The following MBOAT1 variants were observed in gnomAD, a reference collection of about 807,000 sequenced individuals.
MBOAT1 encodes the protein membrane bound glycerophospholipid O-acyltransferase 1, also known as membrane-bound glycerophospholipid O-acyltransferase 1.
MBOAT1 carries 67 observed loss-of-function variants against 64.4 expected under a neutral mutation model. That is an observed-to-expected ratio of 1.04 (90% CI 0.85 to 1.27). The LOEUF (loss-of-function observed/expected upper bound fraction) is 1.27. Ranked by LOEUF, MBOAT1 falls within the 50% of genes most tolerant of loss-of-function variation. The pLI, the probability that MBOAT1 is intolerant of heterozygous loss-of-function variation, is 0.00. For synonymous variants in MBOAT1, 229 were observed against 218.9 expected, an observed-to-expected ratio of 1.05 and a Z score of -0.41; for missense variants, 563 against 604.6, an observed-to-expected ratio of 0.93 and a Z score of 0.72.
At chr6:20,103,668 G>A (rs1165074223) in intron 12 of MBOAT1, among the ~76,000 whole-genome samples, 1 of 152,096 alleles carries the variant, frequency 6.6e-6, no homozygotes, top group Non-Finnish European at 1.5e-5. Context: ...CTCAGGTGAT[G>A]CACCCACCTC....
chr6:20,151,382 A>G (rs1299456073), intron 2 of MBOAT1, 120 bp from the exon 3 acceptor site: 2 of 643,980 alleles, frequency 3.1e-6, no homozygotes, highest in East Asian at 2.7e-5. Flanking sequence ...ATCAATGATC[A>G]GTAACTCATG....
intron 1 of MBOAT1, among the ~76,000 whole-genome samples, chr6:20,171,902 G>A (rs1317244028): frequency 2.0e-5 from 3 of 151,760 alleles, no homozygotes; most frequent in Non-Finnish European, 4.4e-5. Flanking sequence ...GATGTGGTGC[G>A]CTCACCTGTA....
intron 1 of MBOAT1, among the ~76,000 whole-genome samples, chr6:20,155,843 C>G (rs1375583510): frequency 6.6e-6 from 1 of 152,190 alleles, no homozygotes; most frequent in Admixed American, 6.5e-5. Context: ...TTTAACTCAT[C>G]AAATATTTTC....
rs370766640 is a variant in MBOAT1 at position 20,206,636 on chromosome 6, T to C, written c.99+5500A>G. On this transcript the variant is annotated intron_variant, in intron 1 of 12. Coordinates refer to ENST00000324607, the MANE Select transcript of MBOAT1 (RefSeq NM_001080480.3). ...ACCCCCTCTGCTCCCTCTTCCTGCT[T>C]TCAGAATCTGCCCACCTCTGGTGAC... Among the ~76,000 whole-genome samples, 9 of 152,258 alleles carry C rather than the reference T, an allele frequency of 5.9e-5. No homozygotes were observed. The East Asian group carries it at 1.5e-3, about 26-fold the overall frequency.
intron 9 of MBOAT1, among the ~76,000 whole-genome samples, chr6:20,117,106 C>T (rs1256153404): frequency 2.6e-5 from 4 of 152,156 alleles, no homozygotes; most frequent in Non-Finnish European, 5.9e-5. Context: ...CCATCGTGAC[C>T]GGGGACTGCT....
intron 1 of MBOAT1, among the ~76,000 whole-genome samples, chr6:20,157,595 A>G (rs1254380925): frequency 6.6e-6 from 1 of 152,150 alleles, no homozygotes; most frequent in East Asian, 1.9e-4. Flanking sequence ...GTGATACTCT[A>G]AGGAACTCAT....
At chr6:20,193,132 A>G (rs1344342567) in intron 1 of MBOAT1, among the ~76,000 whole-genome samples, 3 of 148,876 alleles carry the variant, frequency 2.0e-5, no homozygotes, top group African/African-American at 5.0e-5. Flanking sequence ...CAGCCTCCAG[A>G]GTAGCTGGGA....
chr6:20,194,290 T>C (rs1245231253), intron 1 of MBOAT1, among the ~76,000 whole-genome samples: 1 of 152,240 alleles, frequency 6.6e-6, no homozygotes, highest in Admixed American at 6.5e-5. Flanking sequence ...AATGCACCGA[T>C]GGTGATATAT....
intron 1 of MBOAT1, among the ~76,000 whole-genome samples, chr6:20,195,931 G>T (rs1762943132): frequency 6.6e-6 from 1 of 152,042 alleles, no homozygotes; most frequent in African/African-American, 2.4e-5. Context: ...GTGGAAGGAA[G>T]AAAGGAAGGT....
At chr6:20,150,091 T>C (rs1303728329) in intron 3 of MBOAT1, among the ~76,000 whole-genome samples, 1 of 152,156 alleles carries the variant, frequency 6.6e-6, no homozygotes, top group Non-Finnish European at 1.5e-5. Flanking sequence ...GAGCTAATCC[T>C]GAGTTTTCAG....
intron 1 of MBOAT1, among the ~76,000 whole-genome samples, chr6:20,155,092 C>A (rs1205465516): frequency 6.6e-6 from 1 of 152,156 alleles, no homozygotes; most frequent in African/African-American, 2.4e-5. Context: ...TTGATTTGGC[C>A]AGAATTATTG....
chr6:20,180,683 G>C (rs902493797), intron 1 of MBOAT1, among the ~76,000 whole-genome samples: 3 of 152,232 alleles, frequency 2.0e-5, no homozygotes, highest in East Asian at 1.9e-4. Context: ...GAGAATTGCT[G>C]GACTTTAAAT....
chr6:20,110,834 C>T (rs1349528241), intron 11 of MBOAT1, among the ~76,000 whole-genome samples: 3 of 152,082 alleles, frequency 2.0e-5, no homozygotes, highest in Admixed American at 6.5e-5. Flanking sequence ...CTTGTCTGCC[C>T]ATCCCATTTT....
intron 1 of MBOAT1, among the ~76,000 whole-genome samples, chr6:20,209,992 G>A (rs1328196668): frequency 1.3e-5 from 2 of 152,162 alleles, no homozygotes; most frequent in Non-Finnish European, 2.9e-5. Context: ...TCTGATCTCA[G>A]CATCTCAACA....
At chr6:20,118,396 T>C (rs773748502) in intron 9 of MBOAT1, 41 bp downstream of exon 9, 1 of 1,493,672 alleles carries the variant, frequency 6.7e-7, no homozygotes, top group Non-Finnish European at 9.3e-7. Context: ...AATCATTTGC[T>C]TTCTTCACTA....
chr6:20,207,223 G>A (rs551396196), intron 1 of MBOAT1, among the ~76,000 whole-genome samples: 7 of 152,188 alleles, frequency 4.6e-5, no homozygotes, highest in East Asian at 1.9e-4. Context: ...GCACTCATCC[G>A]CAAAACCCTT....
chr6:20,208,148 T>G (rs1365244473), intron 1 of MBOAT1, among the ~76,000 whole-genome samples: 5 of 152,068 alleles, frequency 3.3e-5, no homozygotes, highest in Admixed American at 3.3e-4. Context: ...TCCAGGTAGG[T>G]AAAGAAACTT....
At chr6:20,164,985 A>C (rs2113715004) in intron 1 of MBOAT1, among the ~76,000 whole-genome samples, 1 of 152,328 alleles carries the variant, frequency 6.6e-6, no homozygotes, top group South Asian at 2.1e-4. Flanking sequence ...TTCTGAGCAT[A>C]TTTAAGATAG....
chr6:20,200,603 G>A (rs911942932), intron 1 of MBOAT1, among the ~76,000 whole-genome samples: 2 of 152,122 alleles, frequency 1.3e-5, no homozygotes, highest in African/African-American at 4.8e-5. Flanking sequence ...CATTTAAGGG[G>A]ACACTAGAAA....
Sources: gnomAD v4.1 joint callset for allele counts (sites outside exome capture counted in the v4.1 genomes callset) on GRCh38, gnomAD v4.1.1 for gene constraint, MANE v1.5 for transcripts, NCBI Gene and HGNC (gene_info 2026-07-23, HGNC 2026-07-21) for gene names.